The following PIK3CB variants were observed in gnomAD, a reference collection of about 807,000 sequenced individuals.
PIK3CB encodes the protein phosphatidylinositol 4,5-bisphosphate 3-kinase catalytic subunit beta isoform.
PIK3CB carries 39 observed loss-of-function variants against 136.8 expected under a neutral mutation model. The observed-to-expected ratio is 0.29, with a 90% CI of 0.22 to 0.37. PIK3CB has a LOEUF of 0.37. Ranked by LOEUF, PIK3CB falls within the 10% of genes least tolerant of loss-of-function variation. The pLI is 1.00. For missense variants in PIK3CB, 868 were observed against 1,275.4 expected, an observed-to-expected ratio of 0.68 and a Z score of 4.87; for synonymous variants, 428 against 436.6, an observed-to-expected ratio of 0.98 and a Z score of 0.25.
At chr3:138,768,135 C>A (rs1382078797) in intron 2 of PIK3CB, among the ~76,000 whole-genome samples, 1 of 152,154 alleles carries the variant, frequency 6.6e-6, no homozygotes, top group Non-Finnish European at 1.5e-5. Context: ...TGCAGCTCTT[C>A]AGCAGACAGG....
intron 1 of PIK3CB, among the ~76,000 whole-genome samples, chr3:138,826,499 G>GTTTTT (rs34843148): frequency 1.0e-5 from 1 of 95,928 alleles, no homozygotes; most frequent in Non-Finnish European, 2.0e-5. Flanking sequence ...GACCATTTGG[G>GTTTTT]TTTTTTTTTT....
At chr3:138,657,444 G>A (rs2043211119) in intron 22 of PIK3CB, 1 of 391,506 alleles carries the variant, frequency 2.6e-6, no homozygotes, top group Non-Finnish European at 4.5e-6. Flanking sequence ...TCTGAAACAG[G>A]TAAAAGGTAG....
intron 8 of PIK3CB, among the ~76,000 whole-genome samples, chr3:138,732,438 A>T (rs2045002556): frequency 1.3e-5 from 2 of 152,184 alleles, no homozygotes; most frequent in African/African-American, 4.8e-5. Context: ...ATTTTTGGCA[A>T]GGGGCTCCTG....
At chr3:138,759,478 C>T (rs141220161) in intron 2 of PIK3CB, 119 bp from the exon 3 acceptor site, 14 of 573,982 alleles carry the variant, frequency 2.4e-5, no homozygotes, top group African/African-American at 2.2e-4. Context: ...AATAATGTAA[C>T]AGGAGGCCAA....
At chr3:138,705,046 A>G (rs1233190653) in intron 11 of PIK3CB, among the ~76,000 whole-genome samples, 3 of 151,222 alleles carry the variant, frequency 2.0e-5, no homozygotes, top group Non-Finnish European at 4.4e-5. Flanking sequence ...CTCAGCCTCA[A>G]GCAGATGGGA....
chr3:138,828,193 T>C (rs1933868159), intron 1 of PIK3CB, among the ~76,000 whole-genome samples: 1 of 147,414 alleles, frequency 6.8e-6, no homozygotes, highest in African/African-American at 2.5e-5. Flanking sequence ...CCTTTTTTTT[T>C]TTTTTTTTTT....
chr3:138,699,294 T>C (rs1412536340), intron 12 of PIK3CB, among the ~76,000 whole-genome samples, 199 bp from the exon 13 acceptor site: 1 of 150,778 alleles, frequency 6.6e-6, no homozygotes, highest in Admixed American at 6.6e-5. Context: ...AAACAGTTTC[T>C]AAAAATCTAA....
At chr3:138,769,245 A>C (rs2045771397) in intron 2 of PIK3CB, among the ~76,000 whole-genome samples, 1 of 152,180 alleles carries the variant, frequency 6.6e-6, no homozygotes, top group Admixed American at 6.5e-5. Flanking sequence ...TATTTCTCAA[A>C]GTAGCAACAG....
At position 138,814,029 on chromosome 3, in the gene PIK3CB, T is replaced by C. The variant is rs529807421; in HGVS notation, c.-121-17462A>G. Among the ~76,000 whole-genome samples, 4 of 152,248 alleles carry C rather than the reference T, an allele frequency of 2.6e-5. No homozygotes were observed. The South Asian group carries it at 8.3e-4, about 32-fold the overall frequency. Reference sequence around the variant, plus strand: ...TCAATGTGGATACTATACTAACAGCTCTACATGAATCAACACATGATGAGA... The same window carrying C: ...TCAATGTGGATACTATACTAACAGCCCTACATGAATCAACACATGATGAGA... On this transcript the variant is annotated intron_variant, in intron 1 of 23. Transcript: ENST00000674063.
chr3:138,700,250 G>A lies in PIK3CB; in HGVS notation c.1582-1155C>T, dbSNP rs147843058. 3.3e-3 allele frequency among the ~76,000 whole-genome samples: 504 copies of A among 151,734 alleles called. 3 individuals are homozygous for A. Among genetic ancestry groups the A allele is most frequent in the African/African-American group, 0.012 (481 of 41,360 alleles). ...ATTCCATCCGTTTGTTTATCCGTCC[G>A]TCCATCCATCCATCCATCCATCCCT... On this transcript the variant is annotated intron_variant, in intron 12 of 23. Coordinates refer to ENST00000674063, the MANE Select transcript of PIK3CB (RefSeq NM_006219.3).
At chr3:138,703,099 G>A (rs975350031) in intron 12 of PIK3CB, among the ~76,000 whole-genome samples, 3 of 152,162 alleles carry the variant, frequency 2.0e-5, no homozygotes, top group African/African-American at 7.2e-5. Flanking sequence ...TGGCTATTAT[G>A]GTCCCAAACT....
chr3:138,705,631 C>T (rs1290093227), intron 11 of PIK3CB, among the ~76,000 whole-genome samples: 1 of 152,080 alleles, frequency 6.6e-6, no homozygotes, highest in East Asian at 1.9e-4. Flanking sequence ...ATTTAATTTG[C>T]TAATACTTTA....
At chr3:138,812,498 G>A (rs187400260) in intron 1 of PIK3CB, among the ~76,000 whole-genome samples, 71 of 151,492 alleles carry the variant, frequency 4.7e-4, no homozygotes, top group African/African-American at 1.5e-3. Context: ...GCCTTCCAAA[G>A]TGTTGGGATT....
rs919687592 is a variant in PIK3CB, at chr3:138,742,713, T to C, written c.466A>G (p.Ser156Gly). The C allele has an allele frequency of 3.7e-6, 6 of 1,613,652 alleles. No homozygotes were observed. Among genetic ancestry groups the C allele is most frequent in the Non-Finnish European group, 5.1e-6 (6 of 1,179,778 alleles). Reference sequence around the variant, plus strand: ...ACAAGTGACAGGATTTTTTCCTCGCTGAATTTGCGCATTTTTCTTCGAAAT... The same window carrying C: ...ACAAGTGACAGGATTTTTTCCTCGCCGAATTTGCGCATTTTTCTTCGAAAT... ...NEFRRKMRKFSEEKILSLVGL... is the reference protein window; with the variant it reads ...NEFRRKMRKFGEEKILSLVGL... The change falls in exon 5 of 24, where the codon AGC (serine) becomes GGC (glycine). Residue 156 changes from serine (S) to glycine (G), a missense_variant. Around this residue, in one of 4 missense-constraint regions of PIK3CB, gnomAD observed 612 missense variants for 801.1 expected, o/e 0.76. Transcript: ENST00000674063.
intron 8 of PIK3CB, among the ~76,000 whole-genome samples, chr3:138,729,368 C>T (rs2044919117): frequency 6.6e-6 from 1 of 151,896 alleles, no homozygotes; most frequent in Non-Finnish European, 1.5e-5. Context: ...TTTGGTCAAA[C>T]ATTTTTCTGG....
chr3:138,739,239 A>G (rs1231198935), intron 5 of PIK3CB, among the ~76,000 whole-genome samples: 1 of 151,950 alleles, frequency 6.6e-6, no homozygotes, highest in Non-Finnish European at 1.5e-5. Flanking sequence ...AGGTCAGGAG[A>G]TCATGACCAG....
intron 1 of PIK3CB, among the ~76,000 whole-genome samples, chr3:138,800,205 G>A (rs544943877): frequency 7.2e-5 from 11 of 152,078 alleles, no homozygotes; most frequent in African/African-American, 2.7e-4. Context: ...TAGCAACCTA[G>A]GTCATTATCT....
chr3:138,742,807 T>C (rs1241695695), intron 4 of PIK3CB, 26 bp from the exon 5 acceptor site: 5 of 1,237,434 alleles, frequency 4.0e-6, no homozygotes, highest in Non-Finnish European at 5.8e-6. Flanking sequence ...AAAGGTGTCA[T>C]TTTCAGTAAC....
At chr3:138,776,701 A>G (rs570768688) in intron 2 of PIK3CB, among the ~76,000 whole-genome samples, 65 of 150,616 alleles carry the variant, frequency 4.3e-4, no homozygotes, top group African/African-American at 1.5e-3. Context: ...GTCTCAAAAA[A>G]CAAACAAACA....
Sources: allele counts gnomAD v4.1 joint callset (sites outside exome capture counted in the v4.1 genomes callset), GRCh38; gene constraint gnomAD v4.1.1; regional missense constraint gnomAD v4.1.1; transcripts MANE v1.5; gene names NCBI Gene and HGNC (gene_info 2026-07-23, HGNC 2026-07-21).